The following XKR9 variants were observed in gnomAD, a reference collection of about 807,000 sequenced individuals.
XKR9 encodes XK related 9.
Under a neutral mutation model 32.0 loss-of-function variants are expected in XKR9, and 32 were observed. The observed-to-expected ratio is 1.00, with a 90% CI of 0.76 to 1.34. The LOEUF (loss-of-function observed/expected upper bound fraction) is 1.34. XKR9 is among the 40% of genes most tolerant of loss of function. XKR9 has a pLI of 0.00. For missense variants in XKR9, 546 were observed against 429.7 expected (o/e 1.27, Z -2.39); for synonymous variants, 168 against 143.4 (o/e 1.17, Z -1.22).
the XKR9 span, among the ~76,000 whole-genome samples, chr8:70,904,195 ATCTG>A: frequency 6.6e-6 from 1 of 152,106 alleles, no homozygotes; most frequent in Admixed American, 6.6e-5. Context: ...TGTCTTGTTG[ATCTG>A]TCTAATGACA....
At chr8:70,978,998 A>G in the XKR9 span, among the ~76,000 whole-genome samples, 1 of 152,118 alleles carries the variant, frequency 6.6e-6, no homozygotes, top group Non-Finnish European at 1.5e-5. Flanking sequence ...TCTTCAATCA[A>G]TGATACCCTT....
intron 2 of XKR9, among the ~76,000 whole-genome samples, chr8:70,753,421 C>T (rs1428341571): frequency 6.6e-6 from 1 of 151,948 alleles, no homozygotes. Flanking sequence ...TTTATGAGGC[C>T]AGCATCATCC....
chr8:70,924,931 A>G, the XKR9 span, among the ~76,000 whole-genome samples: 6 of 152,218 alleles, frequency 3.9e-5, no homozygotes, highest in Admixed American at 1.3e-4. Context: ...GAGCTGGGAT[A>G]TGGGCTCTCC....
chr8:70,981,790 G>T, the XKR9 span, among the ~76,000 whole-genome samples: 3 of 152,150 alleles, frequency 2.0e-5, no homozygotes, highest in Non-Finnish European at 4.4e-5. Context: ...GGAAGATCTA[G>T]AATTCAAGGG....
the XKR9 span, among the ~76,000 whole-genome samples, chr8:70,997,332 C>T: frequency 1.3e-5 from 2 of 151,844 alleles, no homozygotes; most frequent in African/African-American, 2.4e-5. Flanking sequence ...AAAACCCCCC[C>T]GCACAAGTTT....
At chr8:70,998,793 C>T in the XKR9 span, among the ~76,000 whole-genome samples, 4 of 152,186 alleles carry the variant, frequency 2.6e-5, no homozygotes, top group African/African-American at 9.7e-5. Flanking sequence ...CAGGACAGCT[C>T]CTCACTGGGC....
the XKR9 span, among the ~76,000 whole-genome samples, chr8:70,947,774 A>G: frequency 6.6e-6 from 1 of 152,270 alleles, no homozygotes; most frequent in East Asian, 1.9e-4. Context: ...TTAAAATACG[A>G]TTTGAAAATC....
At chr8:70,939,990 C>T in the XKR9 span, among the ~76,000 whole-genome samples, 3 of 151,452 alleles carry the variant, frequency 2.0e-5, no homozygotes, top group Non-Finnish European at 4.4e-5. Context: ...TGTAATTTAC[C>T]CAAAGCTAGT....
chr8:70,931,110 C>T, the XKR9 span, among the ~76,000 whole-genome samples: 15 of 148,794 alleles, frequency 1.0e-4, no homozygotes, highest in Non-Finnish European at 1.9e-4. Flanking sequence ...CATAGTTGAA[C>T]TATTTTGAAG....
chr8:70,920,516 A>G, the XKR9 span, among the ~76,000 whole-genome samples: 6 of 152,148 alleles, frequency 3.9e-5, no homozygotes, highest in Non-Finnish European at 8.8e-5. Flanking sequence ...CCATTAGTTG[A>G]ATTTTTAAAG....
At chr8:70,984,099 A>G in the XKR9 span, among the ~76,000 whole-genome samples, 1 of 152,256 alleles carries the variant, frequency 6.6e-6, no homozygotes, top group Non-Finnish European at 1.5e-5. Context: ...ATTAAAACTC[A>G]GTCACTATGG....
intron 2 of XKR9, among the ~76,000 whole-genome samples, chr8:70,777,586 A>G (rs1017057103): frequency 1.3e-5 from 2 of 152,056 alleles, no homozygotes; most frequent in Non-Finnish European, 2.9e-5. Context: ...GTGTTAAAGC[A>G]TTCCTATTTC....
intron 4 of XKR9, among the ~76,000 whole-genome samples, chr8:70,710,702 TCAAACAA>T (rs201867358): frequency 0.081 from 11,021 of 135,708 alleles, 477 homozygotes; most frequent in Non-Finnish European, 0.1. Flanking sequence ...AGACTCCATC[TCAAACAA>T]CAACAACAAC....
At chr8:70,717,123 A>G (rs1391790900) in intron 4 of XKR9, among the ~76,000 whole-genome samples, 1 of 152,184 alleles carries the variant, frequency 6.6e-6, no homozygotes, top group Non-Finnish European at 1.5e-5. Context: ...GTGGCTTTGC[A>G]GGGTACAGCC....
chr8:71,064,788 A>C, the XKR9 span, among the ~76,000 whole-genome samples: 1 of 152,172 alleles, frequency 6.6e-6, no homozygotes. Context: ...CTAATGTGTT[A>C]GATAGCCAAG....
chr8:70,690,485 T>C (rs1047591016), intron 3 of XKR9, among the ~76,000 whole-genome samples: 1 of 150,328 alleles, frequency 6.7e-6, no homozygotes. Flanking sequence ...AGGCACATGC[T>C]GCTATGCCCA....
the XKR9 span, among the ~76,000 whole-genome samples, chr8:71,024,010 G>A: frequency 1.3e-5 from 2 of 152,182 alleles, no homozygotes; most frequent in African/African-American, 2.4e-5. Flanking sequence ...AGTGCCCCAT[G>A]TCTCCAGCTG....
At chr8:70,898,899 A>G in the XKR9 span, among the ~76,000 whole-genome samples, 2 of 151,658 alleles carry the variant, frequency 1.3e-5, no homozygotes, top group Non-Finnish European at 2.9e-5. Flanking sequence ...TTGATCTCCT[A>G]TATGTGATAT....
the XKR9 span, among the ~76,000 whole-genome samples, chr8:71,020,580 C>G: frequency 6.6e-6 from 1 of 152,118 alleles, no homozygotes; most frequent in Non-Finnish European, 1.5e-5. Flanking sequence ...TCATAAAAGT[C>G]TAATTTCTCT....
Sources: allele counts gnomAD v4.1 joint callset (sites outside exome capture counted in the v4.1 genomes callset), GRCh38; gene constraint gnomAD v4.1.1; transcripts MANE v1.5; gene names NCBI Gene and HGNC (gene_info 2026-07-23, HGNC 2026-07-21).